TRAF3IP2: variants seen among roughly 807,000 people sequenced by gnomAD.
The protein encoded by TRAF3IP2 is E3 ubiquitin ligase TRAF3IP2.
Under a neutral mutation model 57.9 loss-of-function variants are expected in TRAF3IP2, and 35 were observed. The observed-to-expected ratio is 0.60, with a 90% confidence interval of 0.46 to 0.80. The LOEUF (loss-of-function observed/expected upper bound fraction) is 0.80, where lower values mean the gene tolerates loss of function less well. Ranked by LOEUF, TRAF3IP2 falls within the 30% of genes least tolerant of loss-of-function variation. The pLI, the probability that TRAF3IP2 is intolerant of heterozygous loss-of-function variation, is 0.00. For synonymous variants in TRAF3IP2, 251 were observed against 268.9 expected (o/e 0.93, Z 0.65); for missense variants, 556 against 706.4 (o/e 0.79, Z 2.41).
At chr6:111,597,957 A>G (rs1317450138) in intron 1 of TRAF3IP2, 1 of 454,108 alleles carries the variant, frequency 2.2e-6, no homozygotes, top group Non-Finnish European at 4.4e-6. Flanking sequence ...CCAGGGAGCA[A>G]GCACTGACTC....
chr6:111,592,995 G>A (rs933904417), intron 1 of TRAF3IP2, among the ~76,000 whole-genome samples: 4 of 152,160 alleles, frequency 2.6e-5, no homozygotes, highest in African/African-American at 4.8e-5. Context: ...ATTGCTTTTA[G>A]CTGTAAGAAG....
intron 8 of TRAF3IP2, among the ~76,000 whole-genome samples, chr6:111,561,798 A>T (rs960980351): frequency 6.6e-6 from 1 of 152,216 alleles, no homozygotes. Context: ...TACATTTTGG[A>T]TGTTCCTCTT....
intron 1 of TRAF3IP2, among the ~76,000 whole-genome samples, chr6:111,604,883 C>T (rs1379789923): frequency 6.6e-6 from 1 of 152,190 alleles, no homozygotes; most frequent in Non-Finnish European, 1.5e-5. Flanking sequence ...CACTACCCCT[C>T]TGGGACTATC....
intron 5 of TRAF3IP2, among the ~76,000 whole-genome samples, chr6:111,572,382 T>C (rs1212010732): frequency 6.6e-6 from 1 of 152,136 alleles, no homozygotes; most frequent in Non-Finnish European, 1.5e-5. Flanking sequence ...TCCAGAAGCA[T>C]CACTGCGTCA....
chr6:111,584,627 T>C (rs1477190398), intron 2 of TRAF3IP2, among the ~76,000 whole-genome samples: 1 of 149,124 alleles, frequency 6.7e-6, no homozygotes, highest in African/African-American at 2.5e-5. Context: ...TGAAATCCCA[T>C]CTCTACAAAA....
intron 7 of TRAF3IP2, among the ~76,000 whole-genome samples, chr6:111,564,478 C>T (rs1795558128): frequency 1.3e-5 from 2 of 152,194 alleles, no homozygotes; most frequent in Non-Finnish European, 2.9e-5. Flanking sequence ...TTTTTATTTT[C>T]TCTCACCCTT....
chr6:111,578,530 A>G (rs1796062225), intron 3 of TRAF3IP2, among the ~76,000 whole-genome samples: 1 of 151,952 alleles, frequency 6.6e-6, no homozygotes, highest in South Asian at 2.1e-4. Flanking sequence ...AGTTCCAGCT[A>G]CTCTTGGGAG....
Position 111,559,273 on chromosome 6 carries a change from G to A in TRAF3IP2, c.*132C>T, listed in dbSNP as rs1016514613. ...AGAGCTCTGCACAACAGGTTTCCTG[G>A]GGGCCAGAGGGCCTCTCGGGGAGGA... On this transcript the variant is annotated 3_prime_UTR_variant, in exon 9 of 9. Transcript: ENST00000368761. 1 of 1,290,158 alleles carries A rather than the reference G, an allele frequency of 7.8e-7. No homozygotes were observed. The highest frequency in any genetic ancestry group is 1.5e-5 in the African/African-American group (1 of 67,308). 79.9% of individuals were successfully genotyped at this position (1,290,158 alleles called of 1,614,324 possible).
intron 2 of TRAF3IP2, among the ~76,000 whole-genome samples, chr6:111,580,903 T>C (rs939622771): frequency 2.0e-5 from 3 of 152,000 alleles, no homozygotes; most frequent in African/African-American, 7.2e-5. Context: ...AAGAGGTAAA[T>C]GAATGAAAAC....
In TRAF3IP2 at chr6:111,559,154, A is replaced by AC. The variant is rs1010052704; in HGVS notation, c.*250dup. The AC allele has an allele frequency of 2.3e-6, 1 of 442,208 alleles. No individual in the cohort carries two copies. Among genetic ancestry groups the AC allele is most frequent in the Non-Finnish European group, 4.0e-6 (1 of 248,092 alleles). The allele number at this position is 442,208 out of a possible 1,614,324, so 27.4% of individuals were successfully genotyped here. A position where few individuals can be genotyped will look rare whatever the true frequency, so the allele number is the denominator to read the frequency against. On this transcript the variant is annotated 3_prime_UTR_variant, in exon 9 of 9. Coordinates refer to ENST00000368761, the MANE Select transcript of TRAF3IP2 (RefSeq NM_147686.4). ...CAAACTGTCAGGAGGAACATATGGGACACTGGCACCTGCAATGGTTTTTTT... is the reference window on the plus strand; with the variant it reads ...CAAACTGTCAGGAGGAACATATGGGACCACTGGCACCTGCAATGGTTTTTTT...
chr6:111,602,730 G>C (rs548022723), intron 1 of TRAF3IP2, among the ~76,000 whole-genome samples: 18 of 152,226 alleles, frequency 1.2e-4, no homozygotes, highest in Non-Finnish European at 2.2e-4. Context: ...AGTTCAGAGC[G>C]GGGAGGGAGA....
At chr6:111,574,755 G>A (rs1405583684) in intron 4 of TRAF3IP2, 1 of 152,218 alleles carries the variant, frequency 6.6e-6, no homozygotes, top group Non-Finnish European at 1.5e-5. Context: ...GAGGGAAAAG[G>A]CACTGGGGTT....
intron 1 of TRAF3IP2, chr6:111,601,054 G>A (rs187148461): frequency 1.8e-6 from 1 of 553,820 alleles, no homozygotes; most frequent in Non-Finnish European, 3.3e-6. Context: ...TAAGCGGTTT[G>A]GCACCAGATC....
chr6:111,586,004 A>AATGGT (rs111831658), intron 2 of TRAF3IP2, among the ~76,000 whole-genome samples: 109,655 of 151,534 alleles, frequency 0.72, 40,516 homozygotes, highest in Admixed American at 0.81. Flanking sequence ...CCTTATTAAG[A>AATGGT]ATTAAAAGAG....
At chr6:111,595,655 C>T (rs1479934452) in intron 1 of TRAF3IP2, among the ~76,000 whole-genome samples, 1 of 152,034 alleles carries the variant, frequency 6.6e-6, no homozygotes, top group Non-Finnish European at 1.5e-5. Context: ...TGGTGAAACC[C>T]CGCCTCTACT....
intron 3 of TRAF3IP2, among the ~76,000 whole-genome samples, chr6:111,577,804 T>C (rs1451040430): frequency 6.6e-6 from 1 of 152,128 alleles, no homozygotes; most frequent in Non-Finnish European, 1.5e-5. Flanking sequence ...CATGACCTCT[T>C]GTGCTCAGGC....
Position 111,566,545 on chromosome 6 carries a change from T to A in TRAF3IP2, c.1375A>T (p.Ile459Phe). The A allele has an allele frequency of 5.6e-6, 9 of 1,614,086 alleles. No homozygotes were observed. Among genetic ancestry groups the A allele is most frequent in the Non-Finnish European group, 7.6e-6 (9 of 1,179,964 alleles). Residue 459 changes from isoleucine to phenylalanine, a missense_variant, in exon 7 of 9, where the codon ATC becomes TTC. Coordinates refer to ENST00000368761, the MANE Select transcript of TRAF3IP2 (RefSeq NM_147686.4). ...RYLRDKTVMI[I>F]VAISPKYKQD... The stretch of plus-strand genomic sequence containing the variant: ...TTGTATTTGGGGCTGATTGCTACGA[T>A]TATCATCACGGTCTTCTGTTAATGA...
intron 1 of TRAF3IP2, chr6:111,598,004 G>A: frequency 7.0e-6 from 3 of 425,716 alleles, no homozygotes; most frequent in Non-Finnish European, 1.4e-5. Context: ...TAGGACCCTG[G>A]GAGCCCCCAT....
intron 1 of TRAF3IP2, among the ~76,000 whole-genome samples, chr6:111,598,930 A>G (rs1309321917): frequency 1.3e-5 from 2 of 152,100 alleles, no homozygotes; most frequent in Non-Finnish European, 2.9e-5. Context: ...TGGGGTAAGC[A>G]TGGGTGGGCA....
Sources: gnomAD v4.1 joint callset for allele counts (sites outside exome capture counted in the v4.1 genomes callset) on GRCh38, gnomAD v4.1.1 for gene constraint, MANE v1.5 for transcripts, NCBI Gene and HGNC (gene_info 2026-07-23, HGNC 2026-07-21) for gene names.